The following RFX2 variants were observed in gnomAD, a reference collection of about 807,000 sequenced individuals.
RFX2 encodes DNA-binding protein RFX2.
RFX2 carries 20 observed loss-of-function variants against 87.8 expected under a neutral mutation model. The ratio of observed to expected loss-of-function variants is 0.23; its 90% CI spans 0.16 to 0.33. The LOEUF is 0.33. Ranked by LOEUF, RFX2 falls within the 10% of genes least tolerant of loss-of-function variation. The pLI, the probability that RFX2 is intolerant of heterozygous loss-of-function variation, is 1.00. For missense variants in RFX2, 767 were observed against 1,012.3 expected (o/e 0.76, Z 3.29); for synonymous variants, 397 against 431.3 (o/e 0.92, Z 0.98).
intron 1 of RFX2, among the ~76,000 whole-genome samples, chr19:6,093,654 C>A (rs2087977962): frequency 6.6e-6 from 1 of 151,432 alleles, no homozygotes; most frequent in African/African-American, 2.4e-5. Flanking sequence ...AGGAAAGATA[C>A]AGGCTAAATA....
rs893147995 is a variant in RFX2, at chr19:5,999,004, G to A, written c.1860-1791C>T. On this transcript the variant is annotated intron_variant, in intron 15 of 17. Transcript: ENST00000303657. The surrounding 1 kb of genome is among the most constrained non-coding windows in gnomAD (Gnocchi z 4.1). Reference sequence around the variant, plus strand: ...GGCGTGGTGGCTCATGACTGGAATCGCAGCACTTTGGGAGGCTGAGGCAGG... The same window carrying A: ...GGCGTGGTGGCTCATGACTGGAATCACAGCACTTTGGGAGGCTGAGGCAGG... Among the ~76,000 whole-genome samples, 1 of 152,190 alleles carries A rather than the reference G, an allele frequency of 6.6e-6. No individual in the cohort carries two copies.
At chr19:6,038,010 T>C (rs143920631) in intron 5 of RFX2, among the ~76,000 whole-genome samples, 68 of 152,132 alleles carry the variant, frequency 4.5e-4, no homozygotes, top group Middle Eastern at 3.4e-3. Flanking sequence ...GTTAACTTGA[T>C]AGGAAGCAGA....
At chr19:6,008,455 C>A (rs558151025) in intron 9 of RFX2, among the ~76,000 whole-genome samples, 45 of 151,700 alleles carry the variant, frequency 3.0e-4, no homozygotes, top group African/African-American at 1.1e-3. Context: ...TCACTGCAAC[C>A]TCCAGCTCCT....
chr19:6,036,236 G>C (rs1163559951), intron 5 of RFX2, among the ~76,000 whole-genome samples: 3 of 152,176 alleles, frequency 2.0e-5, no homozygotes, highest in African/African-American at 7.2e-5. Context: ...GGTCTGCTGG[G>C]GCTGCCTGGC....
Position 6,047,635 on chromosome 19 carries a change from G to A in RFX2, c.-8-131C>T. ...TTCAAAGTCGAAAGGCAGAGACCCT[G>A]GTGGTACTGCCTAAGTGAGGAGCTG... On this transcript the variant is annotated intron_variant, in intron 1 of 17. Transcript: ENST00000303657. The surrounding 1 kb of genome is among the most constrained non-coding windows in gnomAD (Gnocchi z 4.2). The A allele has an allele frequency of 1.4e-6, 1 of 723,552 alleles. No homozygotes were observed. Among genetic ancestry groups the A allele is most frequent in the Non-Finnish European group, 2.4e-6 (1 of 423,660 alleles). The allele number at this position is 723,552 out of a possible 1,614,324, so 44.8% of individuals were successfully genotyped here. A position where few individuals can be genotyped will look rare whatever the true frequency, so the allele number is the denominator to read the frequency against.
rs1411934067 is a variant in RFX2, at chr19:6,106,244, C to CATCCATCT, written c.-9+4148_-9+4149insAGATGGAT. Among the ~76,000 whole-genome samples the CATCCATCT allele has an allele frequency of 3.4e-3, 517 of 150,034 alleles. 8 individuals are homozygous for CATCCATCT. Among genetic ancestry groups the CATCCATCT allele is most frequent in the African/African-American group, 0.012 (491 of 39,490 alleles). On this transcript the variant is annotated intron_variant, in intron 1 of 17. Transcript: ENST00000303657. ...CCATCGGCCTGCCCATCCATCCATC[C>CATCCATCT]ATCCATCCATCCATCCATCCATCCA...
chr19:5,995,564 G>A (rs532529716), intron 17 of RFX2, 37 bp downstream of exon 17: 316 of 1,543,450 alleles, frequency 2.0e-4, no homozygotes, highest in Non-Finnish European at 2.1e-4. Flanking sequence ...CCACCCTCCT[G>A]GGAGGGTCGT....
rs1033320619 is a variant in RFX2, at chr19:6,021,939, G to A, written c.597+4224C>T. ...GAATCCACAGGGACAGTGGCGGCTC[G>A]GGAAGTAGTCGAAGTGGAGGAGGTG... is the stretch of plus-strand genomic sequence containing the variant. On this transcript the variant is annotated intron_variant, in intron 6 of 17. Coordinates refer to ENST00000303657, the MANE Select transcript of RFX2 (RefSeq NM_000635.4). The surrounding 1 kb of genome is among the most constrained non-coding windows in gnomAD (Gnocchi z 5.7). Among the ~76,000 whole-genome samples, 2 of 152,146 alleles carry A rather than the reference G, an allele frequency of 1.3e-5. No homozygotes were observed. Among genetic ancestry groups the A allele is most frequent in the African/African-American group, 2.4e-5 (1 of 41,430 alleles).
chr19:6,033,615 CA>C (rs34581899), intron 5 of RFX2, among the ~76,000 whole-genome samples: 3,540 of 60,504 alleles, frequency 0.059, 134 homozygotes, highest in African/African-American at 0.17. Context: ...CCCACCTTTG[CA>C]AAAAAAAAAA....
Position 6,076,249 on chromosome 19 carries a change from CA to C in RFX2, c.-8-28746del, listed in dbSNP as rs535036785. Among the ~76,000 whole-genome samples, 19 of 152,294 alleles carry C rather than the reference CA, an allele frequency of 1.2e-4. No individual in the cohort carries two copies. In the East Asian group the frequency reaches 3.1e-3, roughly 25 times the overall value. ...ATCCCAGCTACTTGGGAGGCTGAGG[CA>C]GGAGAATCGCCTGAACCCGGGAGGC... On this transcript the variant is annotated intron_variant, in intron 1 of 17. Coordinates refer to ENST00000303657, the MANE Select transcript of RFX2 (RefSeq NM_000635.4).
intron 1 of RFX2, among the ~76,000 whole-genome samples, chr19:6,105,071 T>C (rs1268562941): frequency 6.7e-6 from 1 of 150,368 alleles, no homozygotes; most frequent in Non-Finnish European, 1.5e-5. Flanking sequence ...TGAGCCGAGA[T>C]TGCACCACTA....
At chr19:6,033,623 A>G (rs1383670503) in intron 5 of RFX2, among the ~76,000 whole-genome samples, 3 of 151,718 alleles carry the variant, frequency 2.0e-5, no homozygotes, top group South Asian at 2.1e-4. Flanking sequence ...TGCAAAAAAA[A>G]AAAAAAAAAA....
intron 1 of RFX2, among the ~76,000 whole-genome samples, chr19:6,091,512 G>A (rs2087935113): frequency 6.6e-6 from 1 of 151,882 alleles, no homozygotes; most frequent in South Asian, 2.1e-4. Context: ...AGATGACGCT[G>A]AGTGCTGGCA....
rs933872644 is a variant in RFX2 at position 6,061,991 on chromosome 19, AAAC to A, written c.-8-14490_-8-14488del. 5.3e-5 allele frequency among the ~76,000 whole-genome samples: 8 copies of A among 152,046 alleles called. No individual in the cohort carries two copies. The highest frequency in any genetic ancestry group is 8.8e-5 in the Non-Finnish European group (6 of 67,962). On this transcript the variant is annotated intron_variant, in intron 1 of 17. Coordinates refer to ENST00000303657, the MANE Select transcript of RFX2 (RefSeq NM_000635.4). The surrounding 1 kb of genome is among the most constrained non-coding windows in gnomAD (Gnocchi z 5.2). ...GCCCCATCTCTACAAACAAACAAACAAACAACAACAACAACAAACTGGGGGCCG... is the reference window on the plus strand; with the variant it reads ...GCCCCATCTCTACAAACAAACAAACAAACAACAACAACAAACTGGGGGCCG...
chr19:6,109,169 TG>T (rs917700822), intron 1 of RFX2, among the ~76,000 whole-genome samples: 10 of 144,884 alleles, frequency 6.9e-5, no homozygotes, highest in Middle Eastern at 3.3e-3. Flanking sequence ...ATAAATAAAT[TG>T]AAAAAAAAAA....
intron 1 of RFX2, among the ~76,000 whole-genome samples, chr19:6,084,614 G>T (rs529896121): frequency 2.1e-4 from 31 of 150,706 alleles, no homozygotes; most frequent in African/African-American, 7.4e-4. Flanking sequence ...AATCACACTG[G>T]ATTTGTCCTT....
chr19:6,041,820 C>T (rs970914976), intron 4 of RFX2, among the ~76,000 whole-genome samples: 1 of 152,106 alleles, frequency 6.6e-6, no homozygotes, highest in Non-Finnish European at 1.5e-5. Context: ...CCACCTTGGC[C>T]TCCTGATTAC....
In RFX2 at chr19:6,002,667, G is replaced by C; in HGVS notation, c.1650+54C>G. ...CGGGCTCCACTTGGTGGGTTTGCTG[G>C]TTTTGCTGGAGGGCGGGAAGCCCGG... On this transcript the variant is annotated intron_variant, in intron 14 of 17. Coordinates refer to ENST00000303657, the MANE Select transcript of RFX2 (RefSeq NM_000635.4). This position sits in a 1 kb window ranked among gnomAD's most constrained non-coding sequence, Gnocchi z 6.7. 6.2e-7 allele frequency: 1 copy of C among 1,601,458 alleles called. No homozygotes were observed. The highest frequency in any genetic ancestry group is 8.5e-7 in the Non-Finnish European group (1 of 1,172,416).
chr19:6,007,174 G>A lies in RFX2; in HGVS notation c.1248-8C>T. The A allele has an allele frequency of 2.5e-6, 4 of 1,612,432 alleles. No individual in the cohort carries two copies. In the South Asian group the frequency reaches 4.4e-5, roughly 18 times the overall value. ...CCCTCGGGGTCTTCGTCACTGTGGAGGGAGGGGGGACAGGTGAGCTGTGGC... is the reference window on the plus strand; with the variant it reads ...CCCTCGGGGTCTTCGTCACTGTGGAAGGAGGGGGGACAGGTGAGCTGTGGC... On this transcript the variant is annotated splice_polypyrimidine_tract_variant and splice_region_variant and intron_variant, in intron 11 of 17. Transcript: ENST00000303657. The surrounding 1 kb of genome is among the most constrained non-coding windows in gnomAD (Gnocchi z 8.2).
Sources: gnomAD v4.1 joint callset for allele counts (sites outside exome capture counted in the v4.1 genomes callset) on GRCh38, gnomAD v4.1.1 for gene constraint, Gnocchi (gnomAD v3.1) non-coding constraint, MANE v1.5 for transcripts, NCBI Gene and HGNC (gene_info 2026-07-23, HGNC 2026-07-21) for gene names.